Variants in CNTNAP2 observed in about 807,000 individuals in gnomAD.
The protein encoded by CNTNAP2 is contactin-associated protein-like 2.
Under a neutral mutation model 155.2 loss-of-function variants are expected in CNTNAP2, and 98 were observed. That is an observed-to-expected ratio of 0.63 (90% CI 0.54 to 0.75). The LOEUF is 0.75. CNTNAP2 is among the 30% of genes least tolerant of loss of function. The probability of loss-of-function intolerance (pLI) is 0.00; values close to 1 mark genes in which losing one functional copy is unlikely to be tolerated. For missense variants in CNTNAP2, 1,727 were observed against 1,688.1 expected (o/e 1.02, Z -0.40); for synonymous variants, 651 against 631.2 (o/e 1.03, Z -0.47).
At chr7:147,790,273 C>T (rs1266661713) in intron 13 of CNTNAP2, among the ~76,000 whole-genome samples, 1 of 152,126 alleles carries the variant, frequency 6.6e-6, no homozygotes, top group Non-Finnish European at 1.5e-5. Context: ...ATATATATCA[C>T]TATCCGAAAG....
At chr7:146,941,555 A>G (rs1362152079) in intron 3 of CNTNAP2, among the ~76,000 whole-genome samples, 1 of 152,066 alleles carries the variant, frequency 6.6e-6, no homozygotes, top group African/African-American at 2.4e-5. Flanking sequence ...GATAGTCTGA[A>G]CTTTACTTTG....
intron 13 of CNTNAP2, among the ~76,000 whole-genome samples, chr7:147,785,427 G>C (rs2116563450): frequency 6.6e-6 from 1 of 152,224 alleles, no homozygotes; most frequent in East Asian, 1.9e-4. Context: ...GAGCTTCTTG[G>C]TGCCCTAAAA....
chr7:147,549,975 C>T (rs933595158), intron 11 of CNTNAP2, among the ~76,000 whole-genome samples: 1 of 151,958 alleles, frequency 6.6e-6, no homozygotes, highest in African/African-American at 2.4e-5. Context: ...AAAAATTTTT[C>T]TTTTATGGAA....
At chr7:148,339,461 A>G (rs1298082528) in intron 21 of CNTNAP2, 1 of 152,038 alleles carries the variant, frequency 6.6e-6, no homozygotes, top group Non-Finnish European at 1.5e-5. Context: ...CCTGCCTTTC[A>G]GTGGTGCGGG....
intron 1 of CNTNAP2, among the ~76,000 whole-genome samples, chr7:146,374,412 T>G (rs1384999281): frequency 6.6e-6 from 1 of 152,178 alleles, no homozygotes; most frequent in East Asian, 1.9e-4. Flanking sequence ...GTTATCCTTA[T>G]ACTTACATAA....
intron 13 of CNTNAP2, among the ~76,000 whole-genome samples, chr7:147,733,504 C>T (rs1796782283): frequency 6.6e-6 from 1 of 152,132 alleles, no homozygotes; most frequent in Non-Finnish European, 1.5e-5. Context: ...CCAATGTGGG[C>T]TCTTTTTGGT....
At chr7:148,082,786 C>G (rs1442521188) in intron 15 of CNTNAP2, among the ~76,000 whole-genome samples, 1 of 152,208 alleles carries the variant, frequency 6.6e-6, no homozygotes, top group African/African-American at 2.4e-5. Flanking sequence ...TCAAGCAATT[C>G]TCCTGCCTCA....
At chr7:147,535,756 C>G (rs1280593282) in intron 11 of CNTNAP2, among the ~76,000 whole-genome samples, 5 of 152,034 alleles carry the variant, frequency 3.3e-5, no homozygotes, top group African/African-American at 1.2e-4. Context: ...AGGCGAGGAC[C>G]GCGAAGGTCA....
chr7:148,135,973 G>GAGGA lies in CNTNAP2; in HGVS notation c.2555-11474_2555-11471dup, dbSNP rs1186076177. Among the ~76,000 whole-genome samples the GAGGA allele has an allele frequency of 3.9e-3, 157 of 40,136 alleles. 10 individuals carry two copies. Among genetic ancestry groups the GAGGA allele is most frequent in the Non-Finnish European group, 5.7e-3 (136 of 23,830 alleles). 26.3% of individuals were successfully genotyped at this position (40,136 alleles called of 152,430 possible). On this transcript the variant is annotated intron_variant, in intron 16 of 23. Coordinates refer to ENST00000361727, the MANE Select transcript of CNTNAP2 (RefSeq NM_014141.6). ...AAACAAACCACATTGGGAAGAGAGG[G>GAGGA]AGGAAGGAAGGAAGGAAGGAAGGAA...
In CNTNAP2 at chr7:147,569,147, C is replaced by T. The variant is rs1800233453; in HGVS notation, c.1897+6890C>T. 2.0e-5 allele frequency among the ~76,000 whole-genome samples: 3 copies of T among 152,220 alleles called. 1 individual carries two copies. In the South Asian group the frequency reaches 6.2e-4, roughly 32 times the overall value. On this transcript the variant is annotated intron_variant, in intron 12 of 23. Coordinates refer to ENST00000361727, the MANE Select transcript of CNTNAP2 (RefSeq NM_014141.6). ...TTAGCTGATCAAATTCTATTATCCT[C>T]TCTAATAGTGAAAGCTGTTCGTGTC...
In CNTNAP2 at chr7:146,471,576, G is replaced by A. The variant is rs1346425789; in HGVS notation, c.98-302695G>A. Among the ~76,000 whole-genome samples the A allele has an allele frequency of 2.6e-5, 4 of 152,336 alleles. No homozygotes were observed. The East Asian group carries it at 5.8e-4, about 22-fold the overall frequency. On this transcript the variant is annotated intron_variant, in intron 1 of 23. Coordinates refer to ENST00000361727, the MANE Select transcript of CNTNAP2 (RefSeq NM_014141.6). ...TCCATTTCCATGTGGCCTTGTGCCAGCATAATGAATGCCTCACACATAGTA... is the reference window on the plus strand; with the variant it reads ...TCCATTTCCATGTGGCCTTGTGCCAACATAATGAATGCCTCACACATAGTA...
chr7:147,108,912 C>T (rs1402169432), intron 5 of CNTNAP2, among the ~76,000 whole-genome samples: 1 of 152,098 alleles, frequency 6.6e-6, no homozygotes, highest in Non-Finnish European at 1.5e-5. Context: ...ACATGGAAGA[C>T]CAAAAGCACG....
At chr7:148,127,925 A>G (rs1804748575) in intron 16 of CNTNAP2, among the ~76,000 whole-genome samples, 1 of 152,190 alleles carries the variant, frequency 6.6e-6, no homozygotes, top group African/African-American at 2.4e-5. Context: ...CCTGGAGTGC[A>G]GTGGTGCAAT....
chr7:147,802,794 GGGGAGAGGGAGAGGGAGA>G (rs962315365), intron 13 of CNTNAP2, among the ~76,000 whole-genome samples: 3 of 104,968 alleles, frequency 2.9e-5, no homozygotes, highest in African/African-American at 4.8e-5. Context: ...GGAGGGGGAG[GGGGAGAGGGAGAGGGAGA>G]GGGAGAGGGA....
intron 9 of CNTNAP2, among the ~76,000 whole-genome samples, chr7:147,375,304 C>A (rs1796415906): frequency 6.6e-6 from 1 of 151,986 alleles, no homozygotes; most frequent in African/African-American, 2.4e-5. Flanking sequence ...TGATGACAAA[C>A]TGTGAGTCAC....
chr7:147,242,447 A>G (rs1422389308), intron 8 of CNTNAP2, among the ~76,000 whole-genome samples: 2 of 152,128 alleles, frequency 1.3e-5, no homozygotes, highest in East Asian at 3.8e-4. Flanking sequence ...CTATTTGGGA[A>G]TTTTTGTTTA....
At chr7:148,282,098 C>T (rs1226474762) in intron 21 of CNTNAP2, among the ~76,000 whole-genome samples, 2 of 152,140 alleles carry the variant, frequency 1.3e-5, no homozygotes, top group Non-Finnish European at 2.9e-5. Context: ...TCTGGGATTA[C>T]AGTCATAAGC....
chr7:147,101,496 A>T (rs1166814863), intron 4 of CNTNAP2, among the ~76,000 whole-genome samples: 1 of 152,166 alleles, frequency 6.6e-6, no homozygotes, highest in Non-Finnish European at 1.5e-5. Context: ...TAACCAGTTC[A>T]GTGGAGAGTC....
intron 1 of CNTNAP2, among the ~76,000 whole-genome samples, chr7:146,444,495 G>A (rs1584928435): frequency 1.3e-5 from 2 of 152,212 alleles, no homozygotes; most frequent in Admixed American, 1.3e-4. Context: ...TCCTGGACTG[G>A]ATACATCTGC....
Sources: allele counts gnomAD v4.1 joint callset (sites outside exome capture counted in the v4.1 genomes callset), GRCh38; gene constraint gnomAD v4.1.1; transcripts MANE v1.5; gene names NCBI Gene and HGNC (gene_info 2026-07-23, HGNC 2026-07-21).